The following LRGUK variants were observed in gnomAD, a reference collection of about 807,000 sequenced individuals.
LRGUK encodes the protein leucine-rich repeat and guanylate kinase domain-containing protein.
Under a neutral mutation model 76.0 loss-of-function variants are expected in LRGUK, and 65 were observed. The ratio of observed to expected loss-of-function variants is 0.85; its 90% CI spans 0.70 to 1.05. The LOEUF (loss-of-function observed/expected upper bound fraction) is 1.05. Ranked by LOEUF, LRGUK falls within the 50% of genes least tolerant of loss-of-function variation. LRGUK has a pLI of 0.00. For synonymous variants in LRGUK, 268 were observed against 265.6 expected (o/e 1.01, Z -0.09); for missense variants, 758 against 732.8 (o/e 1.03, Z -0.40).
chr7:134,143,578 G>A (rs555387346), intron 4 of LRGUK, among the ~76,000 whole-genome samples: 16 of 152,228 alleles, frequency 1.1e-4, no homozygotes, highest in Admixed American at 7.2e-4. Context: ...GACATATAGC[G>A]GAATAACTTA....
At chr7:134,208,798 G>A in exon 16 of LRGUK, 1 of 399,056 alleles carries the variant, frequency 2.5e-6, no homozygotes, top group Non-Finnish European at 4.4e-6. Flanking sequence ...CAGATGGCCA[G>A]ATGACAGAGC....
intron 11 of LRGUK, among the ~76,000 whole-genome samples, chr7:134,184,983 T>A (rs565896425): frequency 1.3e-5 from 2 of 152,372 alleles, no homozygotes; most frequent in South Asian, 4.1e-4. Flanking sequence ...CTGGAACATG[T>A]GCCAACGGCA....
intron 16 of LRGUK, among the ~76,000 whole-genome samples, chr7:134,244,137 C>T (rs1217468151): frequency 5.9e-5 from 9 of 152,072 alleles, no homozygotes; most frequent in African/African-American, 1.7e-4. Context: ...AAGACATAGG[C>T]GTGGGCAAGG....
At chr7:134,198,794 G>GACAAAGGGGTC (rs1800626254) in intron 13 of LRGUK, among the ~76,000 whole-genome samples, 1 of 152,144 alleles carries the variant, frequency 6.6e-6, no homozygotes. Context: ...CCAAGATGAT[G>GACAAAGGGGTC]ACAAAGGGGT....
intron 15 of LRGUK, among the ~76,000 whole-genome samples, chr7:134,221,120 C>T (rs777656446): frequency 6.6e-6 from 1 of 152,060 alleles, no homozygotes; most frequent in Non-Finnish European, 1.5e-5. Context: ...GGGTAGCTTT[C>T]CACTTCTGCT....
chr7:134,212,963 G>A (rs1211754171), downstream of LRGUK, among the ~76,000 whole-genome samples: 1 of 152,162 alleles, frequency 6.6e-6, no homozygotes, highest in African/African-American at 2.4e-5. Context: ...AATTCGGCCT[G>A]GGATACAAAC....
Position 134,178,493 on chromosome 7 carries a change from T to G in LRGUK, c.1108-10T>G. On this transcript the variant is annotated splice_polypyrimidine_tract_variant and intron_variant, in intron 9 of 15. Coordinates refer to ENST00000645682, the Ensembl canonical transcript of LRGUK. Reference sequence around the variant, plus strand: ...TTTTTTTCCCTTTTACATCTCTAATTCTGGAAAAGGTTTCAGCAGTGAATA... The same window carrying G: ...TTTTTTTCCCTTTTACATCTCTAATGCTGGAAAAGGTTTCAGCAGTGAATA... 1.3e-6 allele frequency: 2 copies of G among 1,593,392 alleles called. No individual in the cohort carries two copies. Among genetic ancestry groups the G allele is most frequent in the African/African-American group, 1.4e-5 (1 of 74,058 alleles).
chr7:134,252,461 T>C lies in LRGUK; in HGVS notation c.2198+3385T>C, dbSNP rs151100878. Among the ~76,000 whole-genome samples, 15 of 152,216 alleles carry C rather than the reference T, an allele frequency of 9.9e-5. No homozygotes were observed. The East Asian group carries it at 1.9e-3, about 20-fold the overall frequency. On this transcript the variant is annotated intron_variant, in intron 18 of 19. Coordinates refer to the LRGUK transcript ENST00000285928. ...ACAGTCCCAAGAACTCAGCCCAAGA[T>C]GGTAAGATGGACCTCCTCCTTGGAG... is the stretch of plus-strand genomic sequence containing the variant.
intron 10 of LRGUK, among the ~76,000 whole-genome samples, chr7:134,182,443 C>T (rs1799795612): frequency 6.6e-6 from 1 of 152,186 alleles, no homozygotes; most frequent in Non-Finnish European, 1.5e-5. Context: ...CTTCTTCCTC[C>T]TGCATTGACT....
chr7:134,167,022 G>A (rs936427327), intron 7 of LRGUK, among the ~76,000 whole-genome samples: 1 of 152,138 alleles, frequency 6.6e-6, no homozygotes, highest in Non-Finnish European at 1.5e-5. Context: ...TGAGTCCTTG[G>A]GGCCTCCAGG....
At chr7:134,144,734 T>C (rs1797899623) in intron 4 of LRGUK, among the ~76,000 whole-genome samples, 1 of 152,218 alleles carries the variant, frequency 6.6e-6, no homozygotes, top group African/African-American at 2.4e-5. Context: ...TTTCAATTTT[T>C]CTTCAGTTTT....
intron 15 of LRGUK, among the ~76,000 whole-genome samples, chr7:134,203,373 G>A (rs1271911508): frequency 2.0e-5 from 3 of 152,112 alleles, no homozygotes; most frequent in East Asian, 1.9e-4. Context: ...GTGTTTTAGC[G>A]GTTGTGACTT....
intron 15 of LRGUK, among the ~76,000 whole-genome samples, chr7:134,218,204 C>T (rs551896828): frequency 1.1e-4 from 17 of 152,248 alleles, no homozygotes; most frequent in South Asian, 2.1e-4. Flanking sequence ...CTCAAGTGAA[C>T]GCCTGCCTCG....
chr7:134,225,338 C>T (rs1476596213), intron 16 of LRGUK, among the ~76,000 whole-genome samples: 2 of 152,062 alleles, frequency 1.3e-5, no homozygotes, highest in African/African-American at 4.8e-5. Flanking sequence ...GTTTCATGAA[C>T]TTTTACACCA....
chr7:134,263,938 A>T (rs1802806280), exon 20 of LRGUK: 2 of 1,612,764 alleles, frequency 1.2e-6, no homozygotes, highest in East Asian at 2.2e-5. Flanking sequence ...TCCAACGTCA[A>T]ACCCACCCTC....
intron 16 of LRGUK, among the ~76,000 whole-genome samples, chr7:134,225,317 T>C (rs935033016): frequency 7.2e-5 from 11 of 152,100 alleles, no homozygotes; most frequent in South Asian, 4.1e-4. Context: ...GGCCACCTGT[T>C]ACTGGAAACA....
chr7:134,155,953 C>T (rs540266032), intron 5 of LRGUK, among the ~76,000 whole-genome samples: 2 of 152,218 alleles, frequency 1.3e-5, no homozygotes, highest in South Asian at 4.1e-4. Context: ...CCAGGAGAGG[C>T]TTTGAGGAAG....
chr7:134,231,863 CATTT>C (rs1247707157), intron 16 of LRGUK, among the ~76,000 whole-genome samples: 2 of 151,022 alleles, frequency 1.3e-5, no homozygotes, highest in Non-Finnish European at 3.0e-5. Context: ...TCCTTTCTTT[CATTT>C]TTCTCTTCCT....
rs1467938162 is a variant in LRGUK at position 134,247,543 on chromosome 7, A to G, written c.1984-13A>G. 1.9e-6 allele frequency: 3 copies of G among 1,597,422 alleles called. No individual in the cohort carries two copies. Among genetic ancestry groups the G allele is most frequent in the Non-Finnish European group, 2.6e-6 (3 of 1,167,470 alleles). On this transcript the variant is annotated splice_polypyrimidine_tract_variant and intron_variant, in intron 16 of 19. Transcript: ENST00000285928. ...AACATCAATGCAATTTTCTAATGAC[A>G]TTTCTTACCTAGGAAAGAGATTCTA...
Sources: allele counts gnomAD v4.1 joint callset (sites outside exome capture counted in the v4.1 genomes callset), GRCh38; gene constraint gnomAD v4.1.1; transcripts MANE v1.5; gene names NCBI Gene and HGNC (gene_info 2026-07-23, HGNC 2026-07-21).